ROBO2: variants seen among roughly 807,000 people sequenced by gnomAD.
ROBO2 encodes roundabout homolog 2.
ROBO2 carries 53 observed loss-of-function variants against 160.8 expected under a neutral mutation model. That is an observed-to-expected ratio of 0.33 (90% CI 0.26 to 0.41). The LOEUF (loss-of-function observed/expected upper bound fraction) is 0.41, where lower values mean the gene tolerates loss of function less well. Ranked by LOEUF, ROBO2 falls within the 10% of genes least tolerant of loss-of-function variation. The pLI, the probability that ROBO2 is intolerant of heterozygous loss-of-function variation, is 1.00. For missense variants in ROBO2, 1,577 were observed against 1,722.4 expected, an observed-to-expected ratio of 0.92 and a Z score of 1.49; for synonymous variants, 664 against 611.7, an observed-to-expected ratio of 1.09 and a Z score of -1.26.
intron 2 of ROBO2, among the ~76,000 whole-genome samples, chr3:76,358,054 G>T (rs548616863): frequency 1.3e-5 from 2 of 151,858 alleles, no homozygotes; most frequent in South Asian, 4.2e-4. Context: ...AAAGTTATTT[G>T]TCTGTAATTA....
intron 18 of ROBO2, among the ~76,000 whole-genome samples, chr3:77,595,858 G>A (rs1386110051): frequency 2.6e-5 from 4 of 152,096 alleles, no homozygotes; most frequent in Admixed American, 6.5e-5. Context: ...GATTGTACCA[G>A]AAGGGGTCTA....
chr3:76,613,211 A>G lies in ROBO2; in HGVS notation c.110-484803A>G, dbSNP rs77223278. On this transcript the variant is annotated intron_variant, in intron 2 of 26. Coordinates refer to the ROBO2 transcript ENST00000487694. ...TTGTTTTCATTCCTGTCTTCCTTTC[A>G]GTGAAGATGATTTTCTCTGTTGGTA... 5.8e-3 allele frequency among the ~76,000 whole-genome samples: 875 copies of G among 152,118 alleles called. 10 individuals are homozygous for G. The South Asian group carries it at 0.059, about 10-fold the overall frequency.
intron 2 of ROBO2, among the ~76,000 whole-genome samples, chr3:77,246,942 G>C (rs548560378): frequency 1.3e-5 from 2 of 152,074 alleles, no homozygotes; most frequent in African/African-American, 4.8e-5. Context: ...CTCTCCAAAG[G>C]CTTTACTATT....
intron 2 of ROBO2, among the ~76,000 whole-genome samples, chr3:76,624,265 G>T (rs2109323663): frequency 6.6e-6 from 1 of 152,170 alleles, no homozygotes; most frequent in Admixed American, 6.5e-5. Flanking sequence ...TTAGTCTTAG[G>T]GTCAAGAACG....
chr3:77,176,381 G>A (rs1200617876), intron 2 of ROBO2, among the ~76,000 whole-genome samples: 1 of 151,998 alleles, frequency 6.6e-6, no homozygotes, highest in East Asian at 1.9e-4. Flanking sequence ...CAGGGTCTGT[G>A]TGGAAGAATT....
intron 2 of ROBO2, among the ~76,000 whole-genome samples, chr3:76,408,937 T>G (rs1272911460): frequency 6.6e-6 from 1 of 151,856 alleles, no homozygotes. Flanking sequence ...TAGAGTAACA[T>G]TTGGGAGATT....
intron 2 of ROBO2, among the ~76,000 whole-genome samples, chr3:76,383,821 A>C (rs770607758): frequency 6.6e-6 from 1 of 152,228 alleles, no homozygotes; most frequent in African/African-American, 2.4e-5. Flanking sequence ...GTGACCTGAA[A>C]AGCAGGATAC....
chr3:76,965,921 CT>C (rs1168083048), intron 2 of ROBO2, among the ~76,000 whole-genome samples: 2,632 of 114,038 alleles, frequency 0.023, 17 homozygotes, highest in Middle Eastern at 0.043. Context: ...GGCATATTTT[CT>C]TTTTTTTTTT....
rs564303965 is a variant in ROBO2, at chr3:76,508,041, A to G, written c.109+570439A>G. On this transcript the variant is annotated intron_variant, in intron 2 of 26. Coordinates refer to the ROBO2 transcript ENST00000487694. ...CTTATCTAAAGTAAAATCATATGAA[A>G]TAAAATACATGTTTTTATGTAGCAT... 3.3e-5 allele frequency among the ~76,000 whole-genome samples: 5 copies of G among 152,312 alleles called. No homozygotes were observed. In the South Asian group the frequency reaches 1.0e-3, roughly 32 times the overall value.
chr3:76,945,797 G>T (rs2078500119), intron 2 of ROBO2, among the ~76,000 whole-genome samples: 1 of 152,132 alleles, frequency 6.6e-6, no homozygotes, highest in South Asian at 2.1e-4. Context: ...TATCTGTCAT[G>T]ACTATATTTA....
intron 2 of ROBO2, among the ~76,000 whole-genome samples, chr3:76,045,927 T>C (rs886829332): frequency 1.3e-5 from 2 of 151,980 alleles, no homozygotes; most frequent in Admixed American, 1.3e-4. Flanking sequence ...ACTGCCAGTA[T>C]GCTTTATGGA....
intron 2 of ROBO2, among the ~76,000 whole-genome samples, chr3:76,700,843 G>A (rs2093032385): frequency 6.6e-6 from 1 of 152,116 alleles, no homozygotes; most frequent in South Asian, 2.1e-4. Flanking sequence ...TACAATTTTA[G>A]ACTGTGTTAT....
At chr3:77,031,036 G>A (rs888322354) in intron 2 of ROBO2, among the ~76,000 whole-genome samples, 14 of 152,304 alleles carry the variant, frequency 9.2e-5, no homozygotes, top group African/African-American at 3.4e-4. Context: ...AGTAGGTACA[G>A]CTGGTAACAA....
intron 2 of ROBO2, among the ~76,000 whole-genome samples, chr3:76,639,181 T>TA (rs1354724629): frequency 2.0e-5 from 3 of 152,126 alleles, no homozygotes; most frequent in Non-Finnish European, 2.9e-5. Flanking sequence ...TGTATATATG[T>TA]ATACATGTGT....
intron 2 of ROBO2, among the ~76,000 whole-genome samples, chr3:76,970,455 A>G (rs1215020713): frequency 6.6e-6 from 1 of 152,166 alleles, no homozygotes; most frequent in Admixed American, 6.6e-5. Flanking sequence ...GTCTAAAAGT[A>G]CCCTTCTGAA....
intron 13 of ROBO2, among the ~76,000 whole-genome samples, chr3:77,573,752 G>A (rs567315191): frequency 1.3e-5 from 2 of 152,042 alleles, no homozygotes; most frequent in African/African-American, 4.8e-5. Flanking sequence ...GAATTCTTCA[G>A]GGATGCTTTG....
intron 5 of ROBO2, among the ~76,000 whole-genome samples, chr3:77,500,588 A>C (rs2087447434): frequency 6.6e-6 from 1 of 152,256 alleles, no homozygotes; most frequent in Admixed American, 6.5e-5. Flanking sequence ...TAAGCCACAC[A>C]TAAAATGTCT....
intron 2 of ROBO2, among the ~76,000 whole-genome samples, chr3:76,579,062 G>A (rs1298570282): frequency 6.6e-6 from 1 of 151,928 alleles, no homozygotes; most frequent in Non-Finnish European, 1.5e-5. Flanking sequence ...ACCTTACTTC[G>A]ATCATTTTGG....
intron 2 of ROBO2, among the ~76,000 whole-genome samples, chr3:76,101,853 C>T (rs1032203571): frequency 5.4e-5 from 8 of 147,528 alleles, no homozygotes; most frequent in Non-Finnish European, 1.0e-4. Context: ...CTTCCTGTGT[C>T]CATGTTTTCC....
Sources: gnomAD v4.1 joint callset for allele counts (sites outside exome capture counted in the v4.1 genomes callset) on GRCh38, gnomAD v4.1.1 for gene constraint, MANE v1.5 for transcripts, NCBI Gene and HGNC (gene_info 2026-07-23, HGNC 2026-07-21) for gene names.